Variants in DAP3 observed in about 807,000 individuals in gnomAD.
DAP3 encodes the protein small ribosomal subunit protein mS29.
Under a neutral mutation model 51.9 loss-of-function variants are expected in DAP3, and 28 were observed. The observed-to-expected ratio is 0.54, with a 90% CI of 0.40 to 0.74. DAP3 has a LOEUF of 0.74. Ranked by LOEUF, DAP3 falls within the 30% of genes least tolerant of loss-of-function variation. The pLI is 0.00. For missense variants in DAP3, 458 were observed against 483.5 expected, an observed-to-expected ratio of 0.95 and a Z score of 0.49; for synonymous variants, 170 against 170.3, an observed-to-expected ratio of 1.00 and a Z score of 0.01.
At chr1:155,729,450 T>C (rs1571554737) in intron 9 of DAP3, 84 bp downstream of exon 9, 1 of 1,502,468 alleles carries the variant, frequency 6.7e-7, no homozygotes, top group East Asian at 2.3e-5. Context: ...TTGTAGACCA[T>C]GCAATATGTT....
intron 1 of DAP3, among the ~76,000 whole-genome samples, chr1:155,702,257 C>T (rs1233257935): frequency 6.6e-6 from 1 of 151,258 alleles, no homozygotes; most frequent in Non-Finnish European, 1.5e-5. Flanking sequence ...ATCATGAGGT[C>T]AGGAGATCGA....
At chr1:155,699,863 G>A (rs7512334) in intron 1 of DAP3, among the ~76,000 whole-genome samples, 13 of 152,104 alleles carry the variant, frequency 8.5e-5, no homozygotes, top group South Asian at 4.2e-4. Context: ...CAGTCCTCCC[G>A]TCTCAGCCTC....
intron 1 of DAP3, among the ~76,000 whole-genome samples, chr1:155,704,563 G>A (rs890685362): frequency 6.6e-6 from 1 of 152,170 alleles, no homozygotes; most frequent in African/African-American, 2.4e-5. Flanking sequence ...AAGTGAAAAG[G>A]CAGGCAGGCC....
At chr1:155,732,122 TTCAGACTTAGAG>T (rs1659299119) in intron 11 of DAP3, 89 bp downstream of exon 11, 1 of 1,213,300 alleles carries the variant, frequency 8.2e-7, no homozygotes, top group Admixed American at 2.8e-5. Flanking sequence ...TTGACATAAT[TTCAGACTTAGAG>T]AAAAATCATA....
chr1:155,694,011 T>A (rs1558332567), intron 1 of DAP3, among the ~76,000 whole-genome samples: 1 of 141,798 alleles, frequency 7.1e-6, no homozygotes, highest in Non-Finnish European at 1.5e-5. Flanking sequence ...AAATCAATAT[T>A]TCTAAATCAT....
At chr1:155,711,229 A>T (rs538403033) in intron 2 of DAP3, among the ~76,000 whole-genome samples, 1 of 152,376 alleles carries the variant, frequency 6.6e-6, no homozygotes, top group South Asian at 2.1e-4. Flanking sequence ...ACAGTAGCTC[A>T]TGCCTGTAAT....
intron 7 of DAP3, among the ~76,000 whole-genome samples, chr1:155,728,642 C>T (rs1321292797): frequency 6.6e-6 from 1 of 152,008 alleles, no homozygotes; most frequent in Non-Finnish European, 1.5e-5. Context: ...GGCAGATCAC[C>T]TGAGGTCAGG....
chr1:155,738,481 T>C lies in DAP3; in HGVS notation c.*239T>C, dbSNP rs1660027249. 2.3e-6 allele frequency: 1 copy of C among 433,438 alleles called. No homozygotes were observed. The highest frequency in any genetic ancestry group is 4.1e-6 in the Non-Finnish European group (1 of 245,320). The allele number at this position is 433,438 out of a possible 1,614,324, so 26.8% of individuals were successfully genotyped here. The stretch of plus-strand genomic sequence containing the variant: ...AGTTTATTGGATGTGGTTTTTCACA[T>C]TTAAGATAATTATGGCTCTTTTCCT... On this transcript the variant is annotated 3_prime_UTR_variant, in exon 13 of 13. Transcript: ENST00000368336.
upstream of DAP3, chr1:155,688,895 G>T: frequency 6.2e-7 from 1 of 1,612,398 alleles, no homozygotes; most frequent in Non-Finnish European, 8.5e-7. Flanking sequence ...GACTGGAATT[G>T]CCAGGGTGGC....
intron 11 of DAP3, among the ~76,000 whole-genome samples, chr1:155,735,154 G>A (rs1046781799): frequency 3.3e-5 from 5 of 151,248 alleles, no homozygotes; most frequent in South Asian, 2.1e-4. Flanking sequence ...GTGGTGGGGC[G>A]CCTATAGTCC....
chr1:155,726,649 C>G (rs1037022691), intron 6 of DAP3, among the ~76,000 whole-genome samples: 2 of 151,856 alleles, frequency 1.3e-5, no homozygotes, highest in Non-Finnish European at 2.9e-5. Flanking sequence ...TTGCCAGTCA[C>G]GATGGCTCAA....
chr1:155,738,348 A>G lies in DAP3; in HGVS notation c.*106A>G, dbSNP rs1344582231. 2.1e-5 allele frequency: 26 copies of G among 1,255,794 alleles called. No individual in the cohort carries two copies. 77.8% of individuals were successfully genotyped at this position (1,255,794 alleles called of 1,614,324 possible). ...ACAGGAAGAGGAGCCAGGCCCTTGT[A>G]CCTATGGGATTGGACAGGACTGCAG... On this transcript the variant is annotated 3_prime_UTR_variant, in exon 13 of 13. Transcript: ENST00000368336.
intron 1 of DAP3, among the ~76,000 whole-genome samples, chr1:155,690,072 TAAAAC>T (rs894478944): frequency 7.0e-6 from 1 of 142,304 alleles, no homozygotes; most frequent in African/African-American, 3.2e-5. Flanking sequence ...AAGTCGTTAA[TAAAAC>T]AAAGCAGGCC....
chr1:155,715,892 C>A (rs1571503341), intron 2 of DAP3, among the ~76,000 whole-genome samples: 1 of 152,282 alleles, frequency 6.6e-6, no homozygotes, highest in East Asian at 1.9e-4. Context: ...TCCCTTATTA[C>A]ATGTCTCTAA....
At position 155,690,920 on chromosome 1, in the gene DAP3, T is replaced by A. The variant is rs186117638; in HGVS notation, c.-8+1746T>A. Among the ~76,000 whole-genome samples, 270 of 141,712 alleles carry A rather than the reference T, an allele frequency of 1.9e-3. 72 individuals carry two copies. Among genetic ancestry groups the A allele is most frequent in the African/African-American group, 7.3e-3 (228 of 31,296 alleles). 93.0% of individuals were successfully genotyped at this position (141,712 alleles called of 152,430 possible). A position where few individuals can be genotyped will look rare whatever the true frequency, so the allele number is the denominator to read the frequency against. ...ACATCCAGCTAATTTATTTTATTTT[T>A]TTTTTGAGACGGAGTCTCGCTCTGT... On this transcript the variant is annotated intron_variant, in intron 1 of 12. Coordinates refer to ENST00000368336, the MANE Select transcript of DAP3 (RefSeq NM_004632.4).
chr1:155,691,713 A>T (rs1053840175), intron 1 of DAP3, among the ~76,000 whole-genome samples: 1 of 142,052 alleles, frequency 7.0e-6, no homozygotes, highest in Non-Finnish European at 1.5e-5. Context: ...AACATATAAG[A>T]ATCCTAGTTT....
intron 2 of DAP3, among the ~76,000 whole-genome samples, chr1:155,714,437 A>T (rs866462905): frequency 2.0e-5 from 3 of 152,162 alleles, no homozygotes; most frequent in Non-Finnish European, 4.4e-5. Flanking sequence ...ACGATGAAAA[A>T]ATCAAAGATT....
chr1:155,691,875 G>A (rs1015243062), intron 1 of DAP3, among the ~76,000 whole-genome samples: 7 of 141,314 alleles, frequency 5.0e-5, no homozygotes, highest in Non-Finnish European at 5.9e-5. Context: ...CCGAAGTCCG[G>A]TGGCGACAAA....
At chr1:155,693,916 G>C (rs188598227) in intron 1 of DAP3, among the ~76,000 whole-genome samples, 1 of 140,626 alleles carries the variant, frequency 7.1e-6, no homozygotes, top group Non-Finnish European at 1.5e-5. Context: ...AGCTGAGATT[G>C]CGCCATTGCA....
Sources: gnomAD v4.1 joint callset for allele counts (sites outside exome capture counted in the v4.1 genomes callset) on GRCh38, gnomAD v4.1.1 for gene constraint, MANE v1.5 for transcripts, NCBI Gene and HGNC (gene_info 2026-07-23, HGNC 2026-07-21) for gene names.